NTM: variants seen among roughly 807,000 people sequenced by gnomAD.
The protein encoded by NTM is neurotrimin.
Under a neutral mutation model 42.1 loss-of-function variants are expected in NTM, and 13 were observed. That is an observed-to-expected ratio of 0.31 (90% CI 0.20 to 0.49). The LOEUF is 0.49. Ranked by LOEUF, NTM falls within the 20% of genes least tolerant of loss-of-function variation. The probability of loss-of-function intolerance (pLI) is 0.99; values close to 1 mark genes in which losing one functional copy is unlikely to be tolerated. For synonymous variants in NTM, 187 were observed against 179.2 expected, an observed-to-expected ratio of 1.04 and a Z score of -0.35; for missense variants, 373 against 452.8, an observed-to-expected ratio of 0.82 and a Z score of 1.60.
In NTM at chr11:132,241,557, T is replaced by A. The variant is rs115567921; in HGVS notation, c.526+29410T>A. Reference sequence around the variant, plus strand: ...GACATACAATCAGAGTAATTCAAAGTCGTAAACACAAACAGCACCCTTTTG... The same window carrying A: ...GACATACAATCAGAGTAATTCAAAGACGTAAACACAAACAGCACCCTTTTG... On this transcript the variant is annotated intron_variant, in intron 4 of 8. Coordinates refer to ENST00000683400, the MANE Select transcript of NTM (RefSeq NM_001352005.2). Among the ~76,000 whole-genome samples the A allele has an allele frequency of 9.4e-3, 1,434 of 152,248 alleles. 16 individuals are homozygous for A. Among genetic ancestry groups the A allele is most frequent in the African/African-American group, 0.032 (1,342 of 41,530 alleles).
At chr11:132,314,491 T>A in intron 6 of NTM, 61 bp from the exon 7 acceptor site, 1 of 1,532,708 alleles carries the variant, frequency 6.5e-7, no homozygotes. Flanking sequence ...GGGCCTATCT[T>A]CTTCCTATGA....
At position 131,679,236 on chromosome 11, in the gene NTM, T is replaced by C. The variant is rs183643740; in HGVS notation, c.83-232328T>C. Among the ~76,000 whole-genome samples, 3 of 152,178 alleles carry C rather than the reference T, an allele frequency of 2.0e-5. No individual in the cohort carries two copies. The East Asian group carries it at 5.8e-4, about 30-fold the overall frequency. ...CCAGCTCTTCACCCATCTCCTCCCC[T>C]GTGCTTGAGTCCAGATAGCCTCCAT... On this transcript the variant is annotated intron_variant, in intron 1 of 8. Coordinates refer to ENST00000683400, the MANE Select transcript of NTM (RefSeq NM_001352005.2).
intron 1 of NTM, chr11:131,535,333 A>G (rs888104623): frequency 5.3e-5 from 8 of 152,020 alleles, no homozygotes; most frequent in African/African-American, 1.5e-4. Flanking sequence ...ATAAATAACA[A>G]CTCAAATCAA....
At chr11:132,155,216 G>C (rs1272180122) in intron 3 of NTM, among the ~76,000 whole-genome samples, 1 of 152,132 alleles carries the variant, frequency 6.6e-6, no homozygotes, top group East Asian at 1.9e-4. Flanking sequence ...CTGGAAAAAT[G>C]ATCTCCTTGT....
intron 2 of NTM, among the ~76,000 whole-genome samples, chr11:132,056,955 C>T (rs535049026): frequency 6.6e-5 from 10 of 152,310 alleles, no homozygotes; most frequent in South Asian, 6.2e-4. Flanking sequence ...GTTCCAGGGG[C>T]GCCGCCTGCT....
At chr11:131,568,385 A>G (rs1447680351) in intron 1 of NTM, among the ~76,000 whole-genome samples, 1 of 152,230 alleles carries the variant, frequency 6.6e-6, no homozygotes, top group East Asian at 1.9e-4. Context: ...TCATTTCACA[A>G]GTGGGGAAGC....
chr11:131,737,284 A>G (rs1462279246), intron 1 of NTM, among the ~76,000 whole-genome samples: 5 of 152,158 alleles, frequency 3.3e-5, no homozygotes, highest in Admixed American at 3.3e-4. Context: ...AGTGAATTGG[A>G]AGGGTCGAAG....
intron 1 of NTM, among the ~76,000 whole-genome samples, chr11:131,393,751 T>C (rs1278238857): frequency 6.6e-6 from 1 of 152,246 alleles, no homozygotes; most frequent in Non-Finnish European, 1.5e-5. Flanking sequence ...AGCTTCACTT[T>C]TCTCTAGTGG....
intron 1 of NTM, among the ~76,000 whole-genome samples, chr11:131,739,562 G>T (rs1457176312): frequency 6.6e-6 from 1 of 152,210 alleles, no homozygotes; most frequent in Non-Finnish European, 1.5e-5. Context: ...CTATGTGCAT[G>T]CTCTGTCCTC....
At chr11:132,075,745 CTTAGA>C (rs1242987783) in intron 2 of NTM, among the ~76,000 whole-genome samples, 8 of 152,226 alleles carry the variant, frequency 5.3e-5, no homozygotes, top group African/African-American at 1.9e-4. Flanking sequence ...TTTACAAGTG[CTTAGA>C]TTAAAGGATA....
At chr11:131,685,578 C>G (rs919141783) in intron 1 of NTM, among the ~76,000 whole-genome samples, 1 of 152,218 alleles carries the variant, frequency 6.6e-6, no homozygotes, top group South Asian at 2.1e-4. Flanking sequence ...CAGTGCTCCG[C>G]CCCCTCGTAG....
rs186603612 is a variant in NTM at position 131,467,158 on chromosome 11, C to T, written c.82+96270C>T. Among the ~76,000 whole-genome samples, 252 of 151,886 alleles carry T rather than the reference C, an allele frequency of 1.7e-3. 1 individual carries two copies. The highest frequency in any genetic ancestry group is 5.8e-3 in the African/African-American group (238 of 41,368). On this transcript the variant is annotated intron_variant, in intron 1 of 8. Transcript: ENST00000683400. ...AAAGCTAAGGAAGGGAGAGAGTAGACGAGAAAAGAAGAGAATGTAAGAGGA... is the reference window on the plus strand; with the variant it reads ...AAAGCTAAGGAAGGGAGAGAGTAGATGAGAAAAGAAGAGAATGTAAGAGGA...
chr11:132,216,148 G>A (rs2083814494), intron 4 of NTM, among the ~76,000 whole-genome samples: 1 of 152,212 alleles, frequency 6.6e-6, no homozygotes, highest in Non-Finnish European at 1.5e-5. Flanking sequence ...AAACGTTCAT[G>A]CTGTCTGGTT....
intron 2 of NTM, among the ~76,000 whole-genome samples, chr11:132,076,356 G>A (rs559974441): frequency 6.6e-6 from 1 of 152,298 alleles, no homozygotes; most frequent in African/African-American, 2.4e-5. Context: ...TTGGGACTTG[G>A]ACCATGGGCT....
rs1218792344 is a variant in NTM, at chr11:131,911,571, C to T, written c.90C>T (p.Pro30=). 3 of 1,614,180 alleles carry T rather than the reference C, an allele frequency of 1.9e-6. No homozygotes were observed. Among genetic ancestry groups the T allele is most frequent in the East Asian group, 2.2e-5 (1 of 44,860 alleles). The change falls in exon 2 of 9, where the codon CCC becomes CCT. Residue 30 remains proline (P), a synonymous_variant. Transcript: ENST00000683400. ...TGTTCCTTGTACCCACAGGAGTGCC[C>T]GTGCGCAGCGGAGATGCCACCTTCC... ...LAALCLFQGV[P]VRSGDATFPK...
intron 1 of NTM, among the ~76,000 whole-genome samples, chr11:131,669,539 G>C (rs1350347451): frequency 1.3e-5 from 2 of 152,176 alleles, no homozygotes; most frequent in Non-Finnish European, 2.9e-5. Context: ...GGCATGTTAG[G>C]GGCATTGAAG....
chr11:131,487,743 G>A (rs1221393004), intron 1 of NTM, among the ~76,000 whole-genome samples: 2 of 149,874 alleles, frequency 1.3e-5, no homozygotes, highest in Admixed American at 6.6e-5. Flanking sequence ...TAAAGAAAAA[G>A]GGGGAAGGGA....
At chr11:132,293,813 C>T (rs559229671) in intron 4 of NTM, among the ~76,000 whole-genome samples, 1 of 152,230 alleles carries the variant, frequency 6.6e-6, no homozygotes, top group African/African-American at 2.4e-5. Context: ...TGAAGCCACA[C>T]TCACTGATTT....
At chr11:131,477,233 T>C (rs1362922761) in intron 1 of NTM, among the ~76,000 whole-genome samples, 5 of 151,684 alleles carry the variant, frequency 3.3e-5, no homozygotes, top group Admixed American at 3.3e-4. Flanking sequence ...TCATAACAAA[T>C]CTCCATCTCA....
Sources: allele counts gnomAD v4.1 joint callset (sites outside exome capture counted in the v4.1 genomes callset), GRCh38; gene constraint gnomAD v4.1.1; transcripts MANE v1.5; gene names NCBI Gene and HGNC (gene_info 2026-07-23, HGNC 2026-07-21).